The following IL12RB2 variants were observed in gnomAD, a reference collection of about 807,000 sequenced individuals.
The protein encoded by IL12RB2 is interleukin-12 receptor subunit beta-2.
In IL12RB2, 82 loss-of-function variants were observed where a neutral mutation model predicts 89.4. The ratio of observed to expected loss-of-function variants is 0.92; its 90% CI spans 0.77 to 1.10. IL12RB2 has a LOEUF of 1.10. IL12RB2 is among the 50% of genes least tolerant of loss of function. The pLI, the probability that IL12RB2 is intolerant of heterozygous loss-of-function variation, is 0.00. For missense variants in IL12RB2, 963 were observed against 1,031.9 expected, an observed-to-expected ratio of 0.93 and a Z score of 0.92; for synonymous variants, 368 against 370.1, an observed-to-expected ratio of 0.99 and a Z score of 0.07.
At chr1:67,330,468 G>A (rs1169824553) in intron 7 of IL12RB2, among the ~76,000 whole-genome samples, 192 bp from the exon 8 acceptor site, 2 of 151,778 alleles carry the variant, frequency 1.3e-5, no homozygotes, top group African/African-American at 4.8e-5. Flanking sequence ...TTTTTAATGA[G>A]ATGCTATCAT....
Position 67,352,984 on chromosome 1 carries a change from G to A in IL12RB2, c.1258+1895G>A, listed in dbSNP as rs553818182. Among the ~76,000 whole-genome samples the A allele has an allele frequency of 2.0e-4, 30 of 152,262 alleles. No homozygotes were observed. In the Middle Eastern group the frequency reaches 0.01, roughly 52 times the overall value. On this transcript the variant is annotated intron_variant, in intron 10 of 16. Coordinates refer to ENST00000674203, the MANE Select transcript of IL12RB2 (RefSeq NM_001374259.2). ...AAATTAAACTTGTATCTTTTGACCAGGTAATTTTAGCCTTAGAAATGTATA... is the reference window on the plus strand; with the variant it reads ...AAATTAAACTTGTATCTTTTGACCAAGTAATTTTAGCCTTAGAAATGTATA...
At chr1:67,380,516 T>C (rs975722292) in intron 14 of IL12RB2, among the ~76,000 whole-genome samples, 5 of 152,210 alleles carry the variant, frequency 3.3e-5, no homozygotes, top group African/African-American at 1.2e-4. Flanking sequence ...TGTACACAAA[T>C]GATGAGAATC....
intron 4 of IL12RB2, among the ~76,000 whole-genome samples, chr1:67,323,414 C>T (rs1027844995): frequency 5.9e-5 from 9 of 152,226 alleles, no homozygotes; most frequent in Non-Finnish European, 1.2e-4. Flanking sequence ...TTATCTGAGC[C>T]TCAGTTTCTC....
At chr1:67,337,307 C>T (rs1658896665) in intron 8 of IL12RB2, among the ~76,000 whole-genome samples, 2 of 152,168 alleles carry the variant, frequency 1.3e-5, no homozygotes. Context: ...CTAAGTTTCA[C>T]TGTTGAGGAA....
At position 67,367,815 on chromosome 1, in the gene IL12RB2, T is replaced by G. The variant is rs1422635448; in HGVS notation, c.1259-10T>G. 6.8e-7 allele frequency: 1 copy of G among 1,462,398 alleles called. No individual in the cohort carries two copies. Among genetic ancestry groups the G allele is most frequent in the Non-Finnish European group, 9.6e-7 (1 of 1,042,608 alleles). 90.6% of individuals were successfully genotyped at this position (1,462,398 alleles called of 1,614,324 possible). A position where few individuals can be genotyped will look rare whatever the true frequency, so the allele number is the denominator to read the frequency against. ...TTTTATTTTGTTTCTCCTCTTTCTG[T>G]CCGATAAAGGGTTGCTGGCTCCTCG... is the stretch of plus-strand genomic sequence containing the variant. On this transcript the variant is annotated splice_polypyrimidine_tract_variant and intron_variant, in intron 10 of 16. Coordinates refer to ENST00000674203, the MANE Select transcript of IL12RB2 (RefSeq NM_001374259.2).
Position 67,396,226 on chromosome 1 carries a change from C to A in IL12RB2, c.*137C>A. On this transcript the variant is annotated 3_prime_UTR_variant, in exon 17 of 17. Transcript: ENST00000674203. The stretch of plus-strand genomic sequence containing the variant: ...GGCTGCAGCTAGAGGACAGGCAAGC[C>A]AGCTCTGGGGGAGTCTTAGGAACTG... 5.2e-6 allele frequency: 4 copies of A among 762,586 alleles called. No homozygotes were observed. The East Asian group carries it at 9.7e-5, about 19-fold the overall frequency. 47.2% of individuals were successfully genotyped at this position (762,586 alleles called of 1,614,324 possible).
chr1:67,355,504 C>T (rs2100878611), intron 10 of IL12RB2, among the ~76,000 whole-genome samples: 1 of 151,888 alleles, frequency 6.6e-6, no homozygotes, highest in Admixed American at 6.5e-5. Context: ...AAAGATCCAG[C>T]CCTTCTACTC....
intron 1 of IL12RB2, among the ~76,000 whole-genome samples, chr1:67,312,166 T>G (rs1246910105): frequency 6.6e-6 from 1 of 152,172 alleles, no homozygotes; most frequent in Non-Finnish European, 1.5e-5. Flanking sequence ...GAGGCAGAAA[T>G]GGAGGAACCA....
Position 67,375,778 on chromosome 1 carries a change from G to A in IL12RB2, c.1717+2995G>A, listed in dbSNP as rs576191386. ...TGGTTCTGTGCACAGCCACTCCTCTGGAAGCTTGTCCATATTGCCATGTTG... is the reference window on the plus strand; with the variant it reads ...TGGTTCTGTGCACAGCCACTCCTCTAGAAGCTTGTCCATATTGCCATGTTG... On this transcript the variant is annotated intron_variant, in intron 13 of 16. Coordinates refer to ENST00000674203, the MANE Select transcript of IL12RB2 (RefSeq NM_001374259.2). Among the ~76,000 whole-genome samples the A allele has an allele frequency of 1.4e-4, 21 of 152,214 alleles. 1 individual carries two copies. The South Asian group carries it at 4.4e-3, about 32-fold the overall frequency.
At chr1:67,328,133 T>G in intron 5 of IL12RB2, 67 bp from the exon 6 acceptor site, 7 of 1,088,198 alleles carry the variant, frequency 6.4e-6, no homozygotes, top group Non-Finnish European at 1.0e-5. Flanking sequence ...CATTTTGTTC[T>G]TTTCTACTGT....
intron 4 of IL12RB2, among the ~76,000 whole-genome samples, chr1:67,326,170 G>A (rs1657260487): frequency 6.6e-6 from 1 of 152,202 alleles, no homozygotes. Flanking sequence ...TGTCTTGACA[G>A]CAAATATCAG....
At chr1:67,381,246 T>C (rs369724092) in intron 14 of IL12RB2, among the ~76,000 whole-genome samples, 15 of 152,190 alleles carry the variant, frequency 9.9e-5, no homozygotes, top group Admixed American at 6.5e-4. Flanking sequence ...TTGAGTCTGA[T>C]GAATAAGTGA....
At chr1:67,391,061 G>A (rs773447639) in intron 16 of IL12RB2, among the ~76,000 whole-genome samples, 6 of 152,048 alleles carry the variant, frequency 3.9e-5, no homozygotes, top group Non-Finnish European at 2.9e-5. Flanking sequence ...CTATAGTTTA[G>A]TGCCTTTGAA....
intron 14 of IL12RB2, among the ~76,000 whole-genome samples, chr1:67,385,629 G>A (rs778087523): frequency 6.6e-6 from 1 of 152,178 alleles, no homozygotes; most frequent in Non-Finnish European, 1.5e-5. Context: ...CTGTTACCTG[G>A]TTACTACTCA....
At chr1:67,386,106 G>A (rs1306968872) in intron 14 of IL12RB2, among the ~76,000 whole-genome samples, 3 of 151,384 alleles carry the variant, frequency 2.0e-5, no homozygotes, top group Non-Finnish European at 4.4e-5. Flanking sequence ...CTGCTCGGGA[G>A]GCTGAGGCAG....
At chr1:67,386,917 T>TATATATATATATATATA (rs1665253562) in intron 15 of IL12RB2, among the ~76,000 whole-genome samples, 1 of 98,600 alleles carries the variant, frequency 1.0e-5, no homozygotes. Context: ...TATATATATA[T>TATATATATATATATATA]TCTTTTTTTC....
chr1:67,347,260 G>A (rs1660340355), intron 9 of IL12RB2, among the ~76,000 whole-genome samples: 2 of 152,128 alleles, frequency 1.3e-5, no homozygotes, highest in Non-Finnish European at 2.9e-5. Flanking sequence ...GCTTTCTAAG[G>A]TCTAGATTAT....
intron 8 of IL12RB2, among the ~76,000 whole-genome samples, chr1:67,337,802 C>T (rs952330143): frequency 2.0e-5 from 3 of 149,434 alleles, no homozygotes; most frequent in Non-Finnish European, 4.4e-5. Flanking sequence ...GAGATGAACA[C>T]AAGGTTTGTC....
At chr1:67,355,422 G>GAAAAAAAAAAAAAAAAAAAAAA (rs1171395256) in intron 10 of IL12RB2, among the ~76,000 whole-genome samples, 2 of 93,674 alleles carry the variant, frequency 2.1e-5, no homozygotes, top group Non-Finnish European at 4.2e-5. Context: ...GTCTCAAAAA[G>GAAAAAAAAAAAAAAAAAAAAAA]AAAAAAAAAA....
Sources: gnomAD v4.1 joint callset for allele counts (sites outside exome capture counted in the v4.1 genomes callset) on GRCh38, gnomAD v4.1.1 for gene constraint, MANE v1.5 for transcripts, NCBI Gene and HGNC (gene_info 2026-07-23, HGNC 2026-07-21) for gene names.